The following EEF1AKMT2 variants were observed in gnomAD, a reference collection of about 807,000 sequenced individuals.
EEF1AKMT2 encodes the protein eukaryotic translation elongation factor 1 alpha lysine methyltransferase 2.
EEF1AKMT2 carries 32 observed loss-of-function variants against 35.8 expected under a neutral mutation model. That is an observed-to-expected ratio of 0.89 (90% CI 0.67 to 1.20). EEF1AKMT2 has a LOEUF of 1.20. Among genes scored for constraint, EEF1AKMT2 ranks in the 50% most tolerant of loss-of-function variants. The pLI, the probability that EEF1AKMT2 is intolerant of heterozygous loss-of-function variation, is 0.00. For synonymous variants in EEF1AKMT2, 121 were observed against 133.7 expected (o/e 0.91, Z 0.65); for missense variants, 330 against 347.5 (o/e 0.95, Z 0.40).
At chr10:124,766,361 G>A (rs368701383) in intron 4 of EEF1AKMT2, 2 of 151,744 alleles carry the variant, frequency 1.3e-5, no homozygotes, top group Admixed American at 1.3e-4. Context: ...TGGATATAAT[G>A]AATGGCATAA....
In EEF1AKMT2 at chr10:124,789,036, T is replaced by C; in HGVS notation, c.291+7A>G. The C allele has an allele frequency of 6.2e-7, 1 of 1,602,000 alleles. No individual in the cohort carries two copies. Among genetic ancestry groups the C allele is most frequent in the East Asian group, 2.2e-5 (1 of 44,718 alleles). On this transcript the variant is annotated splice_region_variant and intron_variant, in intron 3 of 6. Transcript: ENST00000368836. ...GTCTTTAACAAACAAATACTAAAAG[T>C]ACCAACAAGTTCAACCAGGAAAACA...
At position 124,758,283 on chromosome 10, in the gene EEF1AKMT2, A is replaced by G. The variant is rs994309125; in HGVS notation, c.*2220T>C. ...ATATTTATACAATTTAACAATACTA[A>G]GTTAAATAATGTATTTATGGTTTGT... On this transcript the variant is annotated 3_prime_UTR_variant, in exon 7 of 7. Transcript: ENST00000368836. 2 of 152,230 alleles carry G rather than the reference A, an allele frequency of 1.3e-5. No individual in the cohort carries two copies. The highest frequency in any genetic ancestry group is 2.9e-5 in the Non-Finnish European group (2 of 68,040). The allele number at this position is 152,230 out of a possible 1,614,324, so 9.4% of individuals were successfully genotyped here. A position where few individuals can be genotyped will look rare whatever the true frequency, so the allele number is the denominator to read the frequency against.
At chr10:124,783,789 G>T (rs1950562900) in intron 3 of EEF1AKMT2, among the ~76,000 whole-genome samples, 1 of 151,968 alleles carries the variant, frequency 6.6e-6, no homozygotes, top group South Asian at 2.1e-4. Context: ...GGGACTACAG[G>T]TGCACTTGCC....
At chr10:124,779,866 T>C (rs1313535201) in intron 3 of EEF1AKMT2, among the ~76,000 whole-genome samples, 1 of 144,860 alleles carries the variant, frequency 6.9e-6, no homozygotes, top group African/African-American at 2.5e-5. Flanking sequence ...ATCGAGACCA[T>C]CCTGGCTAAC....
chr10:124,789,135 G>T lies in EEF1AKMT2; in HGVS notation c.199C>A (p.Arg67=). ...EIWFGEESMN[R]LIRWMQKHKI... is the part of the protein sequence containing the mutation. Reference sequence around the variant, plus strand: ...TGTTTCTGCATCCACCTTATTAGTCGATTCATACTCTCTTCTCCAAACCTG... The same window carrying T: ...TGTTTCTGCATCCACCTTATTAGTCTATTCATACTCTCTTCTCCAAACCTG... Residue 67 remains arginine, a synonymous_variant, in exon 3 of 7, where the codon CGA becomes AGA. Transcript: ENST00000368836. 6.2e-7 allele frequency: 1 copy of T among 1,612,520 alleles called. No individual in the cohort carries two copies. Among genetic ancestry groups the T allele is most frequent in the Non-Finnish European group, 8.5e-7 (1 of 1,179,078 alleles).
intron 3 of EEF1AKMT2, among the ~76,000 whole-genome samples, chr10:124,781,497 C>T (rs193183956): frequency 4.0e-5 from 6 of 150,808 alleles, no homozygotes; most frequent in African/African-American, 1.2e-4. Flanking sequence ...AAGAATCAAT[C>T]GCTTGAACCC....
intron 3 of EEF1AKMT2, among the ~76,000 whole-genome samples, chr10:124,786,223 A>C (rs1271207185): frequency 6.6e-6 from 1 of 151,834 alleles, no homozygotes; most frequent in Non-Finnish European, 1.5e-5. Flanking sequence ...TAAGAATTTC[A>C]GGGCCGGGCG....
In EEF1AKMT2 at chr10:124,762,550, T is replaced by C. The variant is rs1256700169; in HGVS notation, c.625A>G (p.Thr209Ala). The C allele has an allele frequency of 2.5e-6, 3 of 1,217,034 alleles. No individual in the cohort carries two copies. In the Admixed American group the frequency reaches 7.7e-5, roughly 31 times the overall value. 75.4% of individuals were successfully genotyped at this position (1,217,034 alleles called of 1,614,324 possible). Residue 209 changes from threonine (T) to alanine (A), a missense_variant, in exon 6 of 7, where the codon ACA becomes GCA. Thr to Ala is a moderately conservative substitution (Grantham distance 58, BLOSUM62 0). Transcript: ENST00000368836. The part of the protein sequence containing the change: ...LLNEFSEGWS[T>A]VAGFWLTAAL... ...GCAGTGAGCCAAAATCCTGCCACTG[T>C]ACTCCAACCTGGGCAACAGAGAGAG...
chr10:124,762,165 G>A (rs562495764), intron 6 of EEF1AKMT2, 135 bp downstream of exon 6: 12 of 607,004 alleles, frequency 2.0e-5, no homozygotes, highest in Admixed American at 1.0e-4. Flanking sequence ...ACGCCAATGC[G>A]CCACCCCACG....
At chr10:124,766,808 T>C (rs1373206838) in intron 4 of EEF1AKMT2, among the ~76,000 whole-genome samples, 1 of 152,214 alleles carries the variant, frequency 6.6e-6, no homozygotes, top group Non-Finnish European at 1.5e-5. Flanking sequence ...TACTCATCTA[T>C]TCAGCAAATA....
chr10:124,780,359 A>G (rs1422004874), intron 3 of EEF1AKMT2, among the ~76,000 whole-genome samples: 3 of 152,330 alleles, frequency 2.0e-5, no homozygotes, highest in East Asian at 3.9e-4. Flanking sequence ...GAAAATTCAC[A>G]TTGTGAAAAA....
chr10:124,776,105 T>C (rs1950485090), intron 3 of EEF1AKMT2, among the ~76,000 whole-genome samples: 1 of 152,088 alleles, frequency 6.6e-6, no homozygotes, highest in Non-Finnish European at 1.5e-5. Flanking sequence ...GTATTTTTAG[T>C]AGAGATGGGG....
rs1045607942 is a variant in EEF1AKMT2, at chr10:124,781,693, A to T, written c.292-6911T>A. Among the ~76,000 whole-genome samples, 3 of 151,870 alleles carry T rather than the reference A, an allele frequency of 2.0e-5. No homozygotes were observed. In the East Asian group the frequency reaches 5.8e-4, roughly 29 times the overall value. ...TCTCAGGTAAAGGAAAACAAAAAAA[A>T]TTTGTTGCAAGAAAACCCTCTCTAA... On this transcript the variant is annotated intron_variant, in intron 3 of 6. Coordinates refer to ENST00000368836, the MANE Select transcript of EEF1AKMT2 (RefSeq NM_212554.4).
rs1178684426 is a variant in EEF1AKMT2, at chr10:124,757,853, G to C, written c.*2650C>G. The C allele has an allele frequency of 2.0e-5, 3 of 152,106 alleles. No individual in the cohort carries two copies. Among genetic ancestry groups the C allele is most frequent in the Non-Finnish European group, 2.9e-5 (2 of 67,994 alleles). 9.4% of individuals were successfully genotyped at this position (152,106 alleles called of 1,614,324 possible). On this transcript the variant is annotated 3_prime_UTR_variant, in exon 7 of 7. Coordinates refer to ENST00000368836, the MANE Select transcript of EEF1AKMT2 (RefSeq NM_212554.4). ...TTGTACTTATTTTTAAATGGCTTTA[G>C]TCAGGCTGCCAAGAGTGATATCAGG...
chr10:124,790,628 C>T (rs150125873), intron 1 of EEF1AKMT2, among the ~76,000 whole-genome samples: 203 of 152,320 alleles, frequency 1.3e-3, no homozygotes, highest in African/African-American at 4.6e-3. Context: ...CCACGTATCC[C>T]TAAGTCCCTG....
intron 3 of EEF1AKMT2, among the ~76,000 whole-genome samples, chr10:124,778,648 CCGGA>C (rs1372077469): frequency 6.6e-6 from 1 of 151,560 alleles, no homozygotes; most frequent in Non-Finnish European, 1.5e-5. Context: ...CACTTGAACC[CCGGA>C]AGCAGAGGTT....
intron 4 of EEF1AKMT2, among the ~76,000 whole-genome samples, chr10:124,769,896 A>G (rs1359961312): frequency 2.8e-5 from 4 of 141,632 alleles, no homozygotes; most frequent in African/African-American, 1.0e-4. Context: ...TGGTGAGCCG[A>G]GATCACACCA....
intron 3 of EEF1AKMT2, among the ~76,000 whole-genome samples, chr10:124,780,879 C>A (rs536378066): frequency 4.8e-4 from 73 of 151,866 alleles, no homozygotes; most frequent in African/African-American, 1.8e-3. Flanking sequence ...ATGATGCATT[C>A]ATAGGAAAAC....
At chr10:124,791,658 C>T in intron 1 of EEF1AKMT2, 66 bp downstream of exon 1, 3 of 1,536,918 alleles carry the variant, frequency 2.0e-6, no homozygotes, top group Admixed American at 2.0e-5. Context: ...TCCACCCCGC[C>T]GTCCCCTTCT....
Sources: allele counts gnomAD v4.1 joint callset (sites outside exome capture counted in the v4.1 genomes callset), GRCh38; gene constraint gnomAD v4.1.1; transcripts MANE v1.5; gene names NCBI Gene and HGNC (gene_info 2026-07-23, HGNC 2026-07-21).